Variants in PTK2 observed in about 807,000 individuals in gnomAD.
PTK2 encodes the protein focal adhesion kinase 1.
A neutral mutation model predicts 150.1 loss-of-function variants in PTK2; 45 were observed. The ratio of observed to expected loss-of-function variants is 0.30; its 90% confidence interval spans 0.24 to 0.38. PTK2 has a LOEUF of 0.38. PTK2 is among the 10% of genes least tolerant of loss of function. The pLI is 1.00. For synonymous variants in PTK2, 432 were observed against 449.2 expected (o/e 0.96, Z 0.48); for missense variants, 919 against 1,307.3 (o/e 0.70, Z 4.58).
chr8:140,698,059 G>C (rs144438843), intron 26 of PTK2, among the ~76,000 whole-genome samples: 11 of 152,008 alleles, frequency 7.2e-5, no homozygotes, highest in Non-Finnish European at 1.6e-4. Context: ...TCCTGAGCCT[G>C]TCTGCCCTAA....
chr8:140,724,760 T>C (rs1025928828), intron 22 of PTK2, among the ~76,000 whole-genome samples: 5 of 152,212 alleles, frequency 3.3e-5, no homozygotes, highest in African/African-American at 1.2e-4. Flanking sequence ...CACAAAGGAA[T>C]GGAATTGGCC....
At position 140,760,377 on chromosome 8, in the gene PTK2, C is replaced by T. The variant is rs1289960423; in HGVS notation, c.1332+788G>A. On this transcript the variant is annotated intron_variant, in intron 16 of 31. Transcript: ENST00000522684. ...AAACAAAAGGTGGTCTATATCTATA[C>T]AAAAGAGTATTATTTGGCAATAAAA... 2.6e-5 allele frequency among the ~76,000 whole-genome samples: 4 copies of T among 152,162 alleles called. No individual in the cohort carries two copies. The East Asian group carries it at 7.7e-4, about 29-fold the overall frequency.
intron 4 of PTK2, among the ~76,000 whole-genome samples, chr8:140,875,632 T>A (rs756172752): frequency 9.2e-5 from 14 of 152,156 alleles, no homozygotes; most frequent in Non-Finnish European, 1.8e-4. Context: ...CATCAGCAAA[T>A]CCCATCAGCT....
At chr8:140,926,452 CA>C (rs1432821073) in intron 1 of PTK2, among the ~76,000 whole-genome samples, 1 of 152,072 alleles carries the variant, frequency 6.6e-6, no homozygotes, top group African/African-American at 2.4e-5. Flanking sequence ...GTAAATGAAT[CA>C]CAGTGAGGAC....
intron 14 of PTK2, among the ~76,000 whole-genome samples, chr8:140,768,585 T>TA (rs11394296): frequency 0.04 from 6,157 of 152,232 alleles, 326 homozygotes; most frequent in African/African-American, 0.12. Context: ...CTAGCAGCCT[T>TA]AGAGTCTCTC....
At chr8:140,694,015 G>A (rs2100024830) in intron 26 of PTK2, among the ~76,000 whole-genome samples, 1 of 151,800 alleles carries the variant, frequency 6.6e-6, no homozygotes, top group African/African-American at 2.4e-5. Flanking sequence ...GAAAACAGAA[G>A]CTAAGCATCT....
chr8:140,804,620 C>T (rs2100097261), intron 10 of PTK2, among the ~76,000 whole-genome samples: 2 of 152,156 alleles, frequency 1.3e-5, no homozygotes, highest in Admixed American at 6.5e-5. Context: ...TGTGAAGATT[C>T]CTATACATTT....
chr8:140,942,008 G>C (rs1039567928), intron 1 of PTK2, among the ~76,000 whole-genome samples: 1 of 152,072 alleles, frequency 6.6e-6, no homozygotes, highest in Non-Finnish European at 1.5e-5. Context: ...TCCCGCCTCA[G>C]CCTCCCGAGT....
chr8:140,971,715 T>C (rs1383994879), intron 1 of PTK2, among the ~76,000 whole-genome samples: 3 of 152,248 alleles, frequency 2.0e-5, no homozygotes, highest in African/African-American at 4.8e-5. Context: ...AGCTTCTTTA[T>C]ATACTTCTCG....
At chr8:140,786,527 T>C (rs952666943) in intron 14 of PTK2, among the ~76,000 whole-genome samples, 2 of 152,108 alleles carry the variant, frequency 1.3e-5, no homozygotes, top group African/African-American at 4.8e-5. Context: ...GCTAGGCTTA[T>C]CAGTTTTTAG....
intron 7 of PTK2, among the ~76,000 whole-genome samples, chr8:140,835,488 G>A (rs1296865978): frequency 6.6e-6 from 1 of 152,154 alleles, no homozygotes; most frequent in East Asian, 1.9e-4. Flanking sequence ...TTTAGAAATA[G>A]TATGGTGGTA....
chr8:140,945,705 C>CT (rs1372351214), intron 1 of PTK2, among the ~76,000 whole-genome samples: 1 of 152,078 alleles, frequency 6.6e-6, no homozygotes, highest in Non-Finnish European at 1.5e-5. Flanking sequence ...CCCATTTAAA[C>CT]TTTTTTAAAA....
intron 30 of PTK2, among the ~76,000 whole-genome samples, chr8:140,667,286 A>G (rs756389866): frequency 6.6e-6 from 1 of 152,204 alleles, no homozygotes; most frequent in Non-Finnish European, 1.5e-5. Context: ...ATTTTACTAT[A>G]GTGAAAAAAA....
chr8:140,671,881 A>G (rs916513341), intron 29 of PTK2, among the ~76,000 whole-genome samples: 4 of 143,850 alleles, frequency 2.8e-5, no homozygotes, highest in Admixed American at 2.1e-4. Context: ...GCAGTGAGCC[A>G]AGATCGCACC....
chr8:140,964,387 T>C (rs1022310517), intron 1 of PTK2, among the ~76,000 whole-genome samples: 3 of 151,842 alleles, frequency 2.0e-5, no homozygotes, highest in Non-Finnish European at 2.9e-5. Context: ...AATTTCTTTT[T>C]TTTTTTCTGG....
chr8:140,845,913 A>G (rs972430543), intron 7 of PTK2, among the ~76,000 whole-genome samples: 1 of 152,208 alleles, frequency 6.6e-6, no homozygotes, highest in African/African-American at 2.4e-5. Flanking sequence ...CTATTTGTGC[A>G]AAACAATCTG....
At chr8:140,882,406 G>A (rs559090920) in intron 3 of PTK2, among the ~76,000 whole-genome samples, 1 of 152,062 alleles carries the variant, frequency 6.6e-6, no homozygotes, top group South Asian at 2.1e-4. Context: ...ATAGGACATG[G>A]GTTTTTAATA....
intron 14 of PTK2, among the ~76,000 whole-genome samples, chr8:140,786,047 T>G (rs2100084751): frequency 6.6e-6 from 1 of 152,108 alleles, no homozygotes; most frequent in Admixed American, 6.5e-5. Context: ...GGGAGGGACG[T>G]GGCTTTGTTT....
chr8:140,862,401 G>C (rs1398266640), intron 5 of PTK2, among the ~76,000 whole-genome samples: 1 of 152,146 alleles, frequency 6.6e-6, no homozygotes, highest in Admixed American at 6.5e-5. Flanking sequence ...ATGAGAACCA[G>C]TCTGTAAGAT....
Sources: allele counts gnomAD v4.1 joint callset (sites outside exome capture counted in the v4.1 genomes callset), GRCh38; gene constraint gnomAD v4.1.1; transcripts MANE v1.5; gene names NCBI Gene and HGNC (gene_info 2026-07-23, HGNC 2026-07-21).